PLXNC1: variants seen among roughly 807,000 people sequenced by gnomAD.
PLXNC1 encodes the protein plexin-C1.
In PLXNC1, 75 loss-of-function variants were observed where a neutral mutation model predicts 178.2. The observed-to-expected ratio is 0.42, with a 90% CI of 0.35 to 0.51. The LOEUF (loss-of-function observed/expected upper bound fraction) is 0.51. Among genes scored for constraint, PLXNC1 ranks in the 20% least tolerant of loss-of-function variants. The pLI is 0.02. For missense variants in PLXNC1, 1,503 were observed against 1,984.4 expected, an observed-to-expected ratio of 0.76 and a Z score of 4.61; for synonymous variants, 790 against 779.9, an observed-to-expected ratio of 1.01 and a Z score of -0.22.
chr12:94,217,254 C>T (rs1286897903), intron 5 of PLXNC1, among the ~76,000 whole-genome samples: 4 of 152,200 alleles, frequency 2.6e-5, no homozygotes, highest in Non-Finnish European at 4.4e-5. Flanking sequence ...CCATGCTCTC[C>T]TCCTTCTCTG....
intron 14 of PLXNC1, 32 bp from the exon 15 acceptor site, chr12:94,251,394 A>G (rs758659608): frequency 6.8e-5 from 87 of 1,277,314 alleles, no homozygotes; most frequent in Middle Eastern, 3.6e-4. Flanking sequence ...CCCCAACTCA[A>G]TTGGGTCTAA....
intron 22 of PLXNC1, 37 bp from the exon 23 acceptor site, chr12:94,282,261 A>C (rs1226675331): frequency 7.0e-7 from 1 of 1,424,440 alleles, no homozygotes; most frequent in Non-Finnish European, 9.8e-7. Flanking sequence ...GTGGCATTTT[A>C]AAACTCTCTA....
At chr12:94,257,689 T>A (rs1170751388) in intron 17 of PLXNC1, among the ~76,000 whole-genome samples, 1 of 151,606 alleles carries the variant, frequency 6.6e-6, no homozygotes, top group Admixed American at 6.6e-5. Context: ...AGAGAATTGC[T>A]TGAACCCGAG....
intron 23 of PLXNC1, among the ~76,000 whole-genome samples, chr12:94,290,560 G>A: frequency 6.6e-6 from 1 of 152,266 alleles, no homozygotes; most frequent in Non-Finnish European, 1.5e-5. Flanking sequence ...AGCAGTTGGA[G>A]GCCTCTGGCC....
At position 94,149,112 on chromosome 12, in the gene PLXNC1, A is replaced by AGCCATCGCG. The variant is rs777557067; in HGVS notation, c.144_152dup (p.Ile49_Ala51dup). ...TGTGGCGGTCGGAGCAAGCCATCGGAGCCATCGCGGCGAGCCAGGAGGACG... is the reference window on the plus strand; with the variant it reads ...TGTGGCGGTCGGAGCAAGCCATCGGAGCCATCGCGGCCATCGCGGCGAGCCAGGAGGACG... On this transcript the variant is annotated inframe_insertion, in exon 1 of 31. Transcript: ENST00000258526. The AGCCATCGCG allele has an allele frequency of 6.3e-6, 10 of 1,586,216 alleles. No homozygotes were observed. Among genetic ancestry groups the AGCCATCGCG allele is most frequent in the African/African-American group, 1.4e-5 (1 of 72,094 alleles).
chr12:94,172,037 T>C (rs1961864468), intron 2 of PLXNC1, among the ~76,000 whole-genome samples: 1 of 152,248 alleles, frequency 6.6e-6, no homozygotes, highest in Admixed American at 6.5e-5. Flanking sequence ...ATTTGGAAAC[T>C]ACCGATAATC....
intron 12 of PLXNC1, among the ~76,000 whole-genome samples, chr12:94,245,141 GACT>G (rs1342398913): frequency 6.6e-5 from 10 of 152,212 alleles, no homozygotes; most frequent in Admixed American, 6.5e-4. Flanking sequence ...CACTGTATCT[GACT>G]CCAGGCCTCA....
At chr12:94,249,730 T>C (rs2136065849) in intron 14 of PLXNC1, among the ~76,000 whole-genome samples, 1 of 152,006 alleles carries the variant, frequency 6.6e-6, no homozygotes, top group South Asian at 2.1e-4. Context: ...TCCTGTTAGT[T>C]GAGAAGAGCA....
At chr12:94,153,391 CAT>C (rs1430064872) in intron 1 of PLXNC1, among the ~76,000 whole-genome samples, 2 of 152,252 alleles carry the variant, frequency 1.3e-5, no homozygotes, top group Non-Finnish European at 2.9e-5. Context: ...TTTAGAACTT[CAT>C]GTGGTCTCTT....
Position 94,304,199 on chromosome 12 carries a change from C to G in PLXNC1, c.4602+148C>G, listed in dbSNP as rs1968771968. 7 of 593,994 alleles carry G rather than the reference C, an allele frequency of 1.2e-5. No homozygotes were observed. In the East Asian group the frequency reaches 2.0e-4, roughly 17 times the overall value. The allele number at this position is 593,994 out of a possible 1,614,324, so 36.8% of individuals were successfully genotyped here. On this transcript the variant is annotated intron_variant, in intron 30 of 30. Coordinates refer to ENST00000258526, the MANE Select transcript of PLXNC1 (RefSeq NM_005761.3). ...CTGTCTGAGATGGGGGATCCTGGCA[C>G]TGAGCCAGACCCTGTACATGGCTGC...
intron 6 of PLXNC1, among the ~76,000 whole-genome samples, chr12:94,220,768 G>A (rs1281447445): frequency 1.3e-5 from 2 of 152,248 alleles, no homozygotes; most frequent in East Asian, 3.8e-4. Context: ...GGAGGGGGAA[G>A]GGGTAAGGAA....
At chr12:94,281,335 C>CTT (rs1966423787) in intron 22 of PLXNC1, among the ~76,000 whole-genome samples, 2 of 152,090 alleles carry the variant, frequency 1.3e-5, no homozygotes, top group African/African-American at 4.8e-5. Flanking sequence ...AGCAGCTATG[C>CTT]TTGGAGCTCT....
intron 1 of PLXNC1, among the ~76,000 whole-genome samples, chr12:94,163,004 G>A (rs946086632): frequency 2.0e-5 from 3 of 152,148 alleles, no homozygotes. Context: ...ATAATGAGGA[G>A]CCATCCCATG....
At chr12:94,204,916 C>A (rs1417099377) in intron 4 of PLXNC1, among the ~76,000 whole-genome samples, 7 of 152,052 alleles carry the variant, frequency 4.6e-5, no homozygotes, top group African/African-American at 1.5e-4. Context: ...GAACAGTTCA[C>A]ACTAACCCCC....
intron 21 of PLXNC1, chr12:94,277,873 C>T (rs1022722151): frequency 3.3e-5 from 15 of 450,680 alleles, no homozygotes; most frequent in East Asian, 2.1e-4. Flanking sequence ...GCTAGAAGGC[C>T]GGTACTGTTA....
Position 94,218,970 on chromosome 12 carries a change from GA to G in PLXNC1, c.1555-1040del, listed in dbSNP as rs560663896. The stretch of plus-strand genomic sequence containing the variant: ...AACCCCAGATCAAAGAGAAACAGAT[GA>G]AAAAAGTCATGTGTTTGGATGGGAA... On this transcript the variant is annotated intron_variant, in intron 5 of 30. Transcript: ENST00000258526. Among the ~76,000 whole-genome samples the G allele has an allele frequency of 4.7e-3, 715 of 152,174 alleles. 5 individuals are homozygous for G. The highest frequency in any genetic ancestry group is 0.017 in the Middle Eastern group (5 of 294).
chr12:94,166,171 G>C (rs987526568), intron 1 of PLXNC1, among the ~76,000 whole-genome samples: 2 of 152,084 alleles, frequency 1.3e-5, no homozygotes, highest in African/African-American at 4.8e-5. Context: ...CCATGGGTGT[G>C]GCAGTAACTT....
chr12:94,264,883 C>T (rs1040565110), intron 20 of PLXNC1, among the ~76,000 whole-genome samples, 196 bp from the exon 21 acceptor site: 3 of 152,216 alleles, frequency 2.0e-5, no homozygotes, highest in African/African-American at 7.2e-5. Context: ...TGTGCATTCG[C>T]GATGGAGAGA....
At chr12:94,199,120 G>C (rs530896157) in intron 4 of PLXNC1, among the ~76,000 whole-genome samples, 3 of 152,320 alleles carry the variant, frequency 2.0e-5, no homozygotes, top group East Asian at 1.9e-4. Context: ...GCCCTGGAAG[G>C]CCTCAGTGAG....
Sources: allele counts gnomAD v4.1 joint callset (sites outside exome capture counted in the v4.1 genomes callset), GRCh38; gene constraint gnomAD v4.1.1; transcripts MANE v1.5; gene names NCBI Gene and HGNC (gene_info 2026-07-23, HGNC 2026-07-21).